GMEB1: variants seen among roughly 807,000 people sequenced by gnomAD.
The protein encoded by GMEB1 is glucocorticoid modulatory element binding protein 1.
GMEB1 carries 6 observed loss-of-function variants against 52.4 expected under a neutral mutation model. The observed-to-expected ratio is 0.11, with a 90% CI of 0.06 to 0.23. The LOEUF is 0.23. Ranked by LOEUF, GMEB1 falls within the 10% of genes least tolerant of loss-of-function variation. The pLI is 1.00. For missense variants in GMEB1, 486 were observed against 685.6 expected, an observed-to-expected ratio of 0.71 and a Z score of 3.25; for synonymous variants, 255 against 244.9, an observed-to-expected ratio of 1.04 and a Z score of -0.38.
intron 2 of GMEB1, among the ~76,000 whole-genome samples, chr1:28,684,594 A>G (rs1297994393): frequency 5.9e-5 from 9 of 151,754 alleles, no homozygotes; most frequent in Admixed American, 5.3e-4. Context: ...CCAGGCCTAC[A>G]TGGATGGAGC....
intron 6 of GMEB1, among the ~76,000 whole-genome samples, chr1:28,701,467 A>G (rs2124553154): frequency 6.6e-6 from 1 of 151,354 alleles, no homozygotes; most frequent in Admixed American, 6.6e-5. Flanking sequence ...ACGGGGTTTC[A>G]CCGTGTTAAC....
intron 6 of GMEB1, among the ~76,000 whole-genome samples, chr1:28,697,746 G>C (rs181149006): frequency 6.6e-6 from 1 of 152,200 alleles, no homozygotes; most frequent in Non-Finnish European, 1.5e-5. Flanking sequence ...GGCATATTAA[G>C]GTTGAATTAG....
rs1671312124 is a variant in GMEB1 at position 28,717,790 on chromosome 1, A to T, written c.*3017A>T. The T allele has an allele frequency of 6.6e-6, 1 of 152,182 alleles. No individual in the cohort carries two copies. The highest frequency in any genetic ancestry group is 2.4e-5 in the African/African-American group (1 of 41,432). The allele number at this position is 152,182 out of a possible 1,614,324, so 9.4% of individuals were successfully genotyped here. A position where few individuals can be genotyped will look rare whatever the true frequency, so the allele number is the denominator to read the frequency against. ...TTAGGGACACTTTTCTCTTTCCCAG[A>T]GATGAGAGGACCAATTCAGGACAGA... On this transcript the variant is annotated 3_prime_UTR_variant, in exon 10 of 10. Coordinates refer to ENST00000373816, the MANE Select transcript of GMEB1 (RefSeq NM_001319674.2).
intron 6 of GMEB1, among the ~76,000 whole-genome samples, chr1:28,698,388 AAAG>A (rs1239291474): frequency 5.3e-5 from 8 of 151,404 alleles, no homozygotes; most frequent in African/African-American, 1.7e-4. Flanking sequence ...AAAAAAAAAA[AAAG>A]AAGCCTGGGC....
chr1:28,678,822 A>G (rs9426393), intron 1 of GMEB1, among the ~76,000 whole-genome samples: 147,858 of 152,152 alleles, frequency 0.97, 71,972 homozygotes, highest in East Asian at 1. Flanking sequence ...CCTGAGCTTA[A>G]GCAATCCGCC....
At chr1:28,683,312 A>G (rs1669481958) in intron 1 of GMEB1, among the ~76,000 whole-genome samples, 1 of 148,738 alleles carries the variant, frequency 6.7e-6, no homozygotes, top group African/African-American at 2.5e-5. Context: ...CGCAACCTCC[A>G]CCTCCTGGCT....
intron 6 of GMEB1, among the ~76,000 whole-genome samples, chr1:28,699,838 G>C (rs946242756): frequency 6.6e-6 from 1 of 151,554 alleles, no homozygotes; most frequent in African/African-American, 2.4e-5. Flanking sequence ...ACTCTGGGAA[G>C]CTGAGGCAGG....
intron 1 of GMEB1, among the ~76,000 whole-genome samples, chr1:28,681,298 G>A (rs962082218): frequency 2.0e-5 from 3 of 152,036 alleles, no homozygotes; most frequent in African/African-American, 7.2e-5. Context: ...AACCTGGGAG[G>A]CAGAGGTTGC....
intron 1 of GMEB1, among the ~76,000 whole-genome samples, chr1:28,674,139 G>T (rs956794328): frequency 6.7e-6 from 1 of 148,396 alleles, no homozygotes; most frequent in African/African-American, 2.5e-5. Flanking sequence ...GACAGAGCGA[G>T]ACTCCGTCTG....
At chr1:28,678,554 C>T (rs1048265450) in intron 1 of GMEB1, among the ~76,000 whole-genome samples, 8 of 152,136 alleles carry the variant, frequency 5.3e-5, no homozygotes, top group African/African-American at 1.9e-4. Flanking sequence ...CATGATCCGC[C>T]TGCCTCGGCC....
In GMEB1 at chr1:28,691,615, T is replaced by C; in HGVS notation, c.242T>C (p.Met81Thr). ...DTGTIEANED[M>T]EIAYPITCGE... ...GGCACTATAGAAGCAAATGAGGATA[T>C]GGAAATTGCTTACCCCATAACTTGT... The change falls in exon 4 of 10, where the codon ATG becomes ACG. Residue 81 changes from methionine to threonine, a missense_variant. Physicochemically the swap from Met to Thr is moderately conservative, Grantham distance 81. Around this residue, in one of 5 missense-constraint regions of GMEB1, gnomAD observed 88 missense variants for 96.5 expected, o/e 0.91. Coordinates refer to ENST00000373816, the MANE Select transcript of GMEB1 (RefSeq NM_001319674.2). 1.3e-6 allele frequency: 2 copies of C among 1,570,060 alleles called. No individual in the cohort carries two copies. The highest frequency in any genetic ancestry group is 2.3e-5 in the East Asian group (1 of 43,620).
At position 28,702,661 on chromosome 1, in the gene GMEB1, C is replaced by T. The variant is rs1670572205; in HGVS notation, c.730+92C>T. ...ACACGGAAGACCTCTTAATTACTTT[C>T]GCTGGATTTTCTCATGCACGTAAAT... On this transcript the variant is annotated intron_variant, in intron 7 of 9. Transcript: ENST00000373816. 8 of 1,187,298 alleles carry T rather than the reference C, an allele frequency of 6.7e-6. No individual in the cohort carries two copies. The South Asian group carries it at 7.0e-5, about 10-fold the overall frequency. The allele number at this position is 1,187,298 out of a possible 1,614,324, so 73.5% of individuals were successfully genotyped here. A position where few individuals can be genotyped will look rare whatever the true frequency, so the allele number is the denominator to read the frequency against.
chr1:28,693,966 A>G (rs977757157), intron 5 of GMEB1, among the ~76,000 whole-genome samples: 1 of 152,114 alleles, frequency 6.6e-6, no homozygotes, highest in Non-Finnish European at 1.5e-5. Flanking sequence ...TCTAAAGTCA[A>G]TTATGGCTTG....
At chr1:28,689,175 A>G (rs193207031) in intron 2 of GMEB1, among the ~76,000 whole-genome samples, 6 of 152,030 alleles carry the variant, frequency 3.9e-5, no homozygotes, top group African/African-American at 1.4e-4. Context: ...GGCGTGAGCC[A>G]CCGCACACAG....
chr1:28,683,760 G>T lies in GMEB1; in HGVS notation c.128+20G>T, dbSNP rs1557501285. On this transcript the variant is annotated intron_variant, in intron 2 of 9. Coordinates refer to ENST00000373816, the MANE Select transcript of GMEB1 (RefSeq NM_001319674.2). The stretch of plus-strand genomic sequence containing the variant: ...ACAAGGGTAAGTGGCTAGAGATTTG[G>T]GTATTCTGAAGTATTTTGGGAAGCT... 6.2e-7 allele frequency: 1 copy of T among 1,611,178 alleles called. No individual in the cohort carries two copies. The highest frequency in any genetic ancestry group is 8.5e-7 in the Non-Finnish European group (1 of 1,178,890).
At chr1:28,677,462 G>T (rs555353014) in intron 1 of GMEB1, among the ~76,000 whole-genome samples, 6 of 152,174 alleles carry the variant, frequency 3.9e-5, no homozygotes, top group Non-Finnish European at 7.3e-5. Flanking sequence ...CTCCCAAAGT[G>T]CTGGGATTAC....
chr1:28,703,352 A>G (rs1225336577), intron 7 of GMEB1, among the ~76,000 whole-genome samples: 2 of 152,096 alleles, frequency 1.3e-5, no homozygotes, highest in African/African-American at 2.4e-5. Context: ...CACTGTTGTT[A>G]GATGCTGGGT....
intron 1 of GMEB1, among the ~76,000 whole-genome samples, chr1:28,671,414 C>T (rs923399815): frequency 5.3e-5 from 8 of 152,120 alleles, no homozygotes; most frequent in Non-Finnish European, 1.2e-4. Context: ...ACTGCGCCCG[C>T]CTAATTTTGT....
chr1:28,696,843 T>C, intron 5 of GMEB1, 84 bp from the exon 6 acceptor site: 1 of 1,031,920 alleles, frequency 9.7e-7, no homozygotes, highest in Non-Finnish European at 1.4e-6. Flanking sequence ...GGCTCAGCAG[T>C]GTTGTCCCTA....
Sources: gnomAD v4.1 joint callset for allele counts (sites outside exome capture counted in the v4.1 genomes callset) on GRCh38, gnomAD v4.1.1 for gene constraint, gnomAD v4.1.1 regional missense constraint, MANE v1.5 for transcripts, NCBI Gene and HGNC (gene_info 2026-07-23, HGNC 2026-07-21) for gene names.